GCNA: variants seen among roughly 807,000 people sequenced by gnomAD.
GCNA encodes the protein germ cell nuclear acidic protein.
In GCNA, 3 loss-of-function variants were observed where a neutral mutation model predicts 38.8. That is an observed-to-expected ratio of 0.08 (90% CI 0.04 to 0.20). The LOEUF is 0.20. GCNA is among the 10% of genes least tolerant of loss of function. The pLI is 1.00. For synonymous variants in GCNA, 195 were observed against 240.2 expected (o/e 0.81, Z 1.74); for missense variants, 446 against 578.6 (o/e 0.77, Z 2.35).
At position 71,597,941 on chromosome X, in the gene GCNA, A is replaced by T. The variant is rs2040683609; in HGVS notation, c.222-9A>T. 2 of 1,190,037 alleles carry T rather than the reference A, an allele frequency of 1.7e-6. No homozygotes were observed. Among genetic ancestry groups the T allele is most frequent in the Middle Eastern group, 2.3e-4 (1 of 4,303 alleles). On this transcript the variant is annotated splice_polypyrimidine_tract_variant and intron_variant, in intron 6 of 12. Coordinates refer to ENST00000373696, the MANE Select transcript of GCNA (RefSeq NM_052957.5). ...TTCTCTCTTGTTTTTCTCCTGTTTC[A>T]TCACTCAGCTCCGTGGTAGTGATTG...
chrX:71,612,283 GAAAAAAA>G (rs756270122), intron 11 of GCNA, 65 bp from the exon 12 acceptor site: 34 of 294,852 alleles, frequency 1.2e-4, no homozygotes, highest in Middle Eastern at 1.1e-3. Flanking sequence ...CTCAAAAAAG[GAAAAAAA>G]AAAAAAAAAA....
At chrX:71,602,234 T>C (rs183060740) in intron 7 of GCNA, among the ~76,000 whole-genome samples, 2 of 111,947 alleles carry the variant, frequency 1.8e-5, no homozygotes, top group African/African-American at 6.5e-5. Context: ...TCACCCAGGC[T>C]GGAGTACAGT....
At chrX:71,590,752 G>C (rs2040621546) in intron 2 of GCNA, among the ~76,000 whole-genome samples, 1 of 108,863 alleles carries the variant, frequency 9.2e-6, no homozygotes, top group Non-Finnish European at 1.9e-5. Context: ...CGTGGATCTT[G>C]GCTCACTGCA....
chrX:71,610,929 T>G (rs1307511807), intron 11 of GCNA, 110 bp downstream of exon 11: 2 of 1,060,878 alleles, frequency 1.9e-6, no homozygotes, highest in Non-Finnish European at 2.5e-6. Context: ...CTGTCATTCT[T>G]GGGTGGGCAG....
intron 7 of GCNA, 150 bp from the exon 8 acceptor site, chrX:71,603,438 T>G: frequency 1.2e-6 from 1 of 841,533 alleles, no homozygotes; most frequent in Non-Finnish European, 1.7e-6. Flanking sequence ...TGTTGGTGTC[T>G]CCTTTAAAAT....
At chrX:71,608,788 C>T (rs938247956) in intron 9 of GCNA, among the ~76,000 whole-genome samples, 185 bp from the exon 10 acceptor site, 1 of 111,768 alleles carries the variant, frequency 8.9e-6, no homozygotes, top group African/African-American at 3.3e-5. Flanking sequence ...ACGGGCTTTA[C>T]ACCTCTGAGG....
chrX:71,601,973 A>G lies in GCNA; in HGVS notation c.311-1615A>G, dbSNP rs181252886. Among the ~76,000 whole-genome samples the G allele has an allele frequency of 1.9e-3, 209 of 112,167 alleles. 2 individuals carry two copies. The highest frequency in any genetic ancestry group is 4.6e-3 in the Middle Eastern group (1 of 218). On this transcript the variant is annotated intron_variant, in intron 7 of 12. Coordinates refer to ENST00000373696, the MANE Select transcript of GCNA (RefSeq NM_052957.5). ...TTTTCTTTCTTTCGGGTATATACGCAGCGGTGGGTTTGCTGAATTGTATGG... is the reference window on the plus strand; with the variant it reads ...TTTTCTTTCTTTCGGGTATATACGCGGCGGTGGGTTTGCTGAATTGTATGG...
chrX:71,586,024 TTAAAG>T lies in GCNA; in HGVS notation c.59+5147_59+5151del, dbSNP rs748388392. Among the ~76,000 whole-genome samples the T allele has an allele frequency of 4.6e-5, 5 of 109,787 alleles. No homozygotes were observed. In the East Asian group the frequency reaches 1.1e-3, roughly 25 times the overall value. On this transcript the variant is annotated intron_variant, in intron 2 of 12. Transcript: ENST00000373696. ...GGGTTAGAAACACGTAAACAGGTAG[TTAAAG>T]TAGAGTGTGATAAACGCTGCGAAGG... is the stretch of plus-strand genomic sequence containing the variant.
chrX:71,596,814 C>T (rs1350774518), intron 6 of GCNA, among the ~76,000 whole-genome samples: 1 of 111,491 alleles, frequency 9.0e-6, no homozygotes, highest in African/African-American at 3.3e-5. Flanking sequence ...CAACAGAACA[C>T]AGGCAGGAAT....
intron 7 of GCNA, among the ~76,000 whole-genome samples, chrX:71,598,754 G>A (rs751612527): frequency 9.0e-6 from 1 of 111,084 alleles, no homozygotes; most frequent in South Asian, 3.9e-4. Context: ...GCTTTGTTCT[G>A]TCAGTACAGG....
In GCNA at chrX:71,604,262, A is replaced by G; in HGVS notation, c.985A>G (p.Ser329Gly). 1 of 1,212,539 alleles carries G rather than the reference A, an allele frequency of 8.2e-7. No homozygotes were observed. The highest frequency in any genetic ancestry group is 1.1e-6 in the Non-Finnish European group (1 of 895,690). Residue 329 changes from serine (S) to glycine (G), a missense_variant, in exon 8 of 13, where the codon AGT becomes GGT. Physicochemically the swap from Ser to Gly is moderately conservative, Grantham distance 56. Transcript: ENST00000373696. Reference sequence around the variant, plus strand: ...TGATTCGGATGTTCCCGATGACAATAGTGATGATTTGGAAGTTCCTGTGCC... The same window carrying G: ...TGATTCGGATGTTCCCGATGACAATGGTGATGATTTGGAAGTTCCTGTGCC... Reference protein sequence around the residue: ...SDDSDVPDDNSDDLEVPVPAE... With the variant: ...SDDSDVPDDNGDDLEVPVPAE...
chrX:71,594,082 T>G (rs1364558581), intron 4 of GCNA, among the ~76,000 whole-genome samples: 1 of 112,408 alleles, frequency 8.9e-6, no homozygotes, highest in African/African-American at 3.2e-5. Flanking sequence ...TGATAGCTAA[T>G]GATACTCAGC....
At chrX:71,582,810 A>G (rs1440193858) in intron 2 of GCNA, among the ~76,000 whole-genome samples, 2 of 112,078 alleles carry the variant, frequency 1.8e-5, no homozygotes, top group Non-Finnish European at 3.8e-5. Context: ...CTAGCCTTCC[A>G]TACTTTTCTC....
In GCNA at chrX:71,604,606, A is replaced by G; in HGVS notation, c.1329A>G (p.Thr443=). The G allele has an allele frequency of 8.3e-7, 1 of 1,202,643 alleles. No homozygotes were observed. The highest frequency in any genetic ancestry group is 1.1e-6 in the Non-Finnish European group (1 of 890,647). Residue 443 remains threonine (T), a synonymous_variant, in exon 8 of 13, where the codon ACA becomes ACG. Transcript: ENST00000373696. ...NIVEPPRKRQ[T]KTKNIVEPLR... ...TGGAGCCACCAAGGAAAAGGCAGAC[A>G]AAGACCAAAAATATAGTGGAGCCAC...
In GCNA at chrX:71,580,688, A is replaced by T. The variant is rs1446778406; in HGVS notation, c.-2-132A>T. 5.9e-6 allele frequency: 3 copies of T among 508,291 alleles called. No individual in the cohort carries two copies. The African/African-American group carries it at 7.3e-5, about 12-fold the overall frequency. 41.9% of individuals were successfully genotyped at this position (508,291 alleles called of 1,213,427 possible). ...ATAGGGTTTCACCGTGTTAGCCAGG[A>T]TGGTCTCGATCTCATGACATTGTGA... On this transcript the variant is annotated intron_variant, in intron 1 of 12. Coordinates refer to ENST00000373696, the MANE Select transcript of GCNA (RefSeq NM_052957.5).
In GCNA at chrX:71,604,348, T is replaced by A; in HGVS notation, c.1071T>A (p.Ala357=). 8.3e-7 allele frequency: 1 copy of A among 1,211,536 alleles called. No homozygotes were observed. Among genetic ancestry groups the A allele is most frequent in the Non-Finnish European group, 1.1e-6 (1 of 895,169 alleles). Residue 357 remains alanine, a synonymous_variant, in exon 8 of 13, where the codon GCT becomes GCA. Coordinates refer to ENST00000373696, the MANE Select transcript of GCNA (RefSeq NM_052957.5). ...CAGATGAAGAAGAGCTGGTTGAGGC[T>A]GCTGCTGCTGTCTCCCAGCATGATT... ...IASDEEELVE[A]AAAVSQHDSS...
At chrX:71,607,862 G>A (rs1160604112) in intron 9 of GCNA, among the ~76,000 whole-genome samples, 1 of 112,969 alleles carries the variant, frequency 8.9e-6, no homozygotes, top group Non-Finnish European at 1.9e-5. Flanking sequence ...TAAGCCATGG[G>A]AAAATAGATT....
chrX:71,590,691 T>A, intron 2 of GCNA, among the ~76,000 whole-genome samples: 1 of 110,751 alleles, frequency 9.0e-6, no homozygotes, highest in South Asian at 3.9e-4. Context: ...AGTCTAATTT[T>A]TTTTTTTTTT....
At position 71,604,558 on chromosome X, in the gene GCNA, G is replaced by T; in HGVS notation, c.1281G>T (p.Arg427Ser). ...TKTIVEPPRK[R>S]QTKTKNIVEP... ...CTATTGTGGAGCCACCGAGGAAAAG[G>T]CAGACAAAGACCAAAAATATAGTGG... The change falls in exon 8 of 13, where the codon AGG (arginine) becomes AGT (serine). Residue 427 changes from arginine (R) to serine (S), a missense_variant. Physicochemically the swap from Arg to Ser is moderately radical, Grantham distance 110 (BLOSUM62 -1). This residue lies in a region of GCNA where 160 missense variants were observed against 165.2 expected (regional missense o/e 0.97). Transcript: ENST00000373696. The T allele has an allele frequency of 2.5e-6, 3 of 1,193,181 alleles. No individual in the cohort carries two copies. Among genetic ancestry groups the T allele is most frequent in the Non-Finnish European group, 3.4e-6 (3 of 885,825 alleles).
Sources: gnomAD v4.1 joint callset for allele counts (sites outside exome capture counted in the v4.1 genomes callset) on GRCh38, gnomAD v4.1.1 for gene constraint, gnomAD v4.1.1 regional missense constraint, MANE v1.5 for transcripts, NCBI Gene and HGNC (gene_info 2026-07-23, HGNC 2026-07-21) for gene names.